The following ZSWIM5 variants were observed in gnomAD, a reference collection of about 807,000 sequenced individuals.
ZSWIM5 encodes the protein zinc finger SWIM domain-containing protein 5.
In ZSWIM5, 55 loss-of-function variants were observed where a neutral mutation model predicts 119.6. The ratio of observed to expected loss-of-function variants is 0.46; its 90% CI spans 0.37 to 0.58. ZSWIM5 has a LOEUF of 0.58. Among genes scored for constraint, ZSWIM5 ranks in the 20% least tolerant of loss-of-function variants. The probability of loss-of-function intolerance (pLI) is 0.00; values close to 1 mark genes in which losing one functional copy is unlikely to be tolerated. For synonymous variants in ZSWIM5, 537 were observed against 606.9 expected (o/e 0.88, Z 1.69); for missense variants, 1,193 against 1,512.8 (o/e 0.79, Z 3.51).
At chr1:45,190,203 T>C (rs1202842635) in intron 1 of ZSWIM5, among the ~76,000 whole-genome samples, 1 of 151,764 alleles carries the variant, frequency 6.6e-6, no homozygotes, top group Non-Finnish European at 1.5e-5. Context: ...TGCGTGCCTA[T>C]AGTCCCAGCT....
intron 11 of ZSWIM5, among the ~76,000 whole-genome samples, chr1:45,027,789 C>T (rs1644929403): frequency 6.6e-6 from 1 of 152,260 alleles, no homozygotes; most frequent in Non-Finnish European, 1.5e-5. Context: ...AGTGATCCTC[C>T]CACCTCAGCC....
intron 1 of ZSWIM5, among the ~76,000 whole-genome samples, chr1:45,118,439 G>A (rs533535316): frequency 6.6e-6 from 1 of 152,260 alleles, no homozygotes; most frequent in East Asian, 1.9e-4. Flanking sequence ...AATAAACTCA[G>A]GGAAAATTTT....
intron 1 of ZSWIM5, among the ~76,000 whole-genome samples, chr1:45,202,697 A>G (rs1253591997): frequency 1.3e-5 from 2 of 152,100 alleles, no homozygotes; most frequent in Non-Finnish European, 2.9e-5. Context: ...CCAAGTAAAT[A>G]TAACATTTCT....
At chr1:45,033,939 T>C (rs938098877) in intron 11 of ZSWIM5, among the ~76,000 whole-genome samples, 3 of 151,898 alleles carry the variant, frequency 2.0e-5, no homozygotes, top group African/African-American at 7.3e-5. Context: ...CTTGGCTCAC[T>C]GCAAGCTCTG....
intron 8 of ZSWIM5, among the ~76,000 whole-genome samples, chr1:45,037,171 C>G (rs1190217187): frequency 6.9e-6 from 1 of 144,208 alleles, no homozygotes; most frequent in African/African-American, 2.6e-5. Context: ...AGAGCAGTGG[C>G]ACGGTATCGG....
intron 1 of ZSWIM5, among the ~76,000 whole-genome samples, chr1:45,098,184 G>C (rs958506780): frequency 6.6e-6 from 1 of 152,196 alleles, no homozygotes; most frequent in African/African-American, 2.4e-5. Context: ...AAGAAGACCA[G>C]TGACTGGAAA....
At chr1:45,045,178 T>A (rs1168456740) in intron 5 of ZSWIM5, among the ~76,000 whole-genome samples, 1 of 151,944 alleles carries the variant, frequency 6.6e-6, no homozygotes, top group African/African-American at 2.4e-5. Context: ...ATGGAAGATA[T>A]CTTGCCACAA....
intron 2 of ZSWIM5, among the ~76,000 whole-genome samples, chr1:45,073,217 T>C (rs1213253384): frequency 1.3e-5 from 2 of 151,104 alleles, no homozygotes; most frequent in East Asian, 3.9e-4. Context: ...TTTTTTAGAT[T>C]GTTCACTGTT....
At chr1:45,181,942 G>A (rs904750517) in intron 1 of ZSWIM5, among the ~76,000 whole-genome samples, 1 of 152,056 alleles carries the variant, frequency 6.6e-6, no homozygotes, top group African/African-American at 2.4e-5. Flanking sequence ...CACTAAACAT[G>A]GAAAGGCACA....
chr1:45,162,420 G>A (rs1347644673), intron 1 of ZSWIM5, among the ~76,000 whole-genome samples: 1 of 152,202 alleles, frequency 6.6e-6, no homozygotes, highest in African/African-American at 2.4e-5. Context: ...TGCAGAAGAC[G>A]GGTGATTTCT....
At chr1:45,196,549 C>T (rs576130820) in intron 1 of ZSWIM5, among the ~76,000 whole-genome samples, 2 of 151,820 alleles carry the variant, frequency 1.3e-5, no homozygotes, top group South Asian at 4.2e-4. Context: ...TGCCACCACG[C>T]CCGGCTAATT....
intron 1 of ZSWIM5, among the ~76,000 whole-genome samples, chr1:45,111,724 G>T (rs1645519848): frequency 6.6e-6 from 1 of 152,228 alleles, no homozygotes; most frequent in African/African-American, 2.4e-5. Context: ...ATCTGACATT[G>T]AATCTCTTTC....
chr1:45,073,508 C>T (rs914420993), intron 2 of ZSWIM5, among the ~76,000 whole-genome samples: 1 of 151,646 alleles, frequency 6.6e-6, no homozygotes, highest in African/African-American at 2.4e-5. Flanking sequence ...ATCTGCCTGC[C>T]TCAGCCTCCC....
At chr1:45,183,432 A>AC (rs1340554634) in intron 1 of ZSWIM5, among the ~76,000 whole-genome samples, 17 of 152,178 alleles carry the variant, frequency 1.1e-4, no homozygotes, top group Non-Finnish European at 2.4e-4. Context: ...GACCAAAAAA[A>AC]CCCTTCAAAA....
At position 45,060,114 on chromosome 1, in the gene ZSWIM5, G is replaced by C. The variant is rs760177907; in HGVS notation, c.1086C>G (p.Asn362Lys). Residue 362 changes from asparagine to lysine, a missense_variant, in exon 3 of 14, where the codon AAC becomes AAG. Physicochemically the swap from Asn to Lys is moderately conservative, Grantham distance 94. Coordinates refer to ENST00000359600, the MANE Select transcript of ZSWIM5 (RefSeq NM_020883.2). The part of the protein sequence containing the change: ...GGYCGSGKQL[N>K]SMFAKVREML... ...CATATCTTACCTTGGCAAACATTGAGTTGAGTTGCTTTCCAGAGCCACAGT... is the reference window on the plus strand; with the variant it reads ...CATATCTTACCTTGGCAAACATTGACTTGAGTTGCTTTCCAGAGCCACAGT... 6.2e-7 allele frequency: 1 copy of C among 1,614,186 alleles called. No individual in the cohort carries two copies. The highest frequency in any genetic ancestry group is 8.5e-7 in the Non-Finnish European group (1 of 1,180,034).
At chr1:45,074,798 GC>G (rs1645246650) in intron 2 of ZSWIM5, among the ~76,000 whole-genome samples, 1 of 151,656 alleles carries the variant, frequency 6.6e-6, no homozygotes, top group African/African-American at 2.4e-5. Context: ...TCTTTAAGAT[GC>G]ATCATTAGAT....
chr1:45,033,420 G>A (rs1029982657), intron 11 of ZSWIM5, among the ~76,000 whole-genome samples: 3 of 152,128 alleles, frequency 2.0e-5, no homozygotes, highest in African/African-American at 7.2e-5. Flanking sequence ...CAAAATCCAT[G>A]TAGTTTCCTG....
At chr1:45,104,988 A>T (rs1168344646) in intron 1 of ZSWIM5, among the ~76,000 whole-genome samples, 1 of 152,032 alleles carries the variant, frequency 6.6e-6, no homozygotes, top group African/African-American at 2.4e-5. Flanking sequence ...CTACAAGGAA[A>T]TTAGATGTGT....
intron 1 of ZSWIM5, among the ~76,000 whole-genome samples, chr1:45,166,044 T>C (rs1645900343): frequency 6.6e-6 from 1 of 152,288 alleles, no homozygotes; most frequent in African/African-American, 2.4e-5. Context: ...ATATCCCTGA[T>C]GAACATCGAT....
Sources: allele counts gnomAD v4.1 joint callset (sites outside exome capture counted in the v4.1 genomes callset), GRCh38; gene constraint gnomAD v4.1.1; transcripts MANE v1.5; gene names NCBI Gene and HGNC (gene_info 2026-07-23, HGNC 2026-07-21).